MAN2C1: variants seen among roughly 807,000 people sequenced by gnomAD.
MAN2C1 encodes the protein mannosidase alpha class 2C member 1, also known as alpha-mannosidase 2C1.
Under a neutral mutation model 126.9 loss-of-function variants are expected in MAN2C1, and 111 were observed. The ratio of observed to expected loss-of-function variants is 0.87; its 90% CI spans 0.75 to 1.02. MAN2C1 has a LOEUF of 1.02. MAN2C1 is among the 50% of genes least tolerant of loss of function. MAN2C1 has a pLI of 0.00. For synonymous variants in MAN2C1, 567 were observed against 561.5 expected, an observed-to-expected ratio of 1.01 and a Z score of -0.14; for missense variants, 1,363 against 1,364.4, an observed-to-expected ratio of 1.00 and a Z score of 0.02.
rs2072536846 is a variant in MAN2C1, at chr15:75,364,484, G to A, written c.600+4C>T. The A allele has an allele frequency of 6.3e-7, 1 of 1,579,456 alleles. No individual in the cohort carries two copies. ...TAGCAGGGGGTACAGGGGGTGTCAAGTACCTTGGCTATGCCCAGCAGCAGC... is the reference window on the plus strand; with the variant it reads ...TAGCAGGGGGTACAGGGGGTGTCAAATACCTTGGCTATGCCCAGCAGCAGC... On this transcript the variant is annotated splice_donor_region_variant and intron_variant, in intron 5 of 25. Transcript: ENST00000267978.
chr15:75,363,135 C>T (rs1307120660), intron 6 of MAN2C1: 6 of 455,138 alleles, frequency 1.3e-5, no homozygotes, highest in Non-Finnish European at 2.6e-5. Context: ...GCTGTCCTAC[C>T]AGAGGTGCTA....
rs1003144374 is a variant in MAN2C1 at position 75,356,676 on chromosome 15, C to T, written c.2667G>A (p.Ala889=). The T allele has an allele frequency of 6.3e-6, 10 of 1,590,812 alleles. No individual in the cohort carries two copies. Among genetic ancestry groups the T allele is most frequent in the African/African-American group, 2.7e-5 (2 of 74,366 alleles). ...GSILSLSLLR[A]PKAPDATADT... ...CAGCAGTAGCGTCCGGGGCTTTAGGCGCCCGCAAGCTGGGGTGAGGAGGGC... is the reference window on the plus strand; with the variant it reads ...CAGCAGTAGCGTCCGGGGCTTTAGGTGCCCGCAAGCTGGGGTGAGGAGGGC... Residue 889 remains alanine, a synonymous_variant, in exon 23 of 26, where the codon GCG becomes GCA. Transcript: ENST00000267978. The surrounding 1 kb of genome is among the most constrained non-coding windows in gnomAD (Gnocchi z 5.8).
Position 75,361,116 on chromosome 15 carries a change from C to G in MAN2C1, c.1390G>C (p.Gly464Arg), listed in dbSNP as rs766261056. Residue 464 changes from glycine to arginine, a missense_variant, in exon 12 of 26, where the codon GGG becomes CGG. Gly to Arg is a moderately radical substitution (Grantham distance 125). This residue lies in a region of MAN2C1 where 628 missense variants were observed against 609.8 expected (regional missense o/e 1.03). Coordinates refer to ENST00000267978, the MANE Select transcript of MAN2C1 (RefSeq NM_006715.4). This position sits in a 1 kb window ranked among gnomAD's most constrained non-coding sequence, Gnocchi z 5.0. ...ATGGTCTGGGTGGGGCCACCACCCC[C>G]ATCCCCAAAGCCAAAGAGGAAGGCA... Reference protein sequence around the residue: ...HSAFLFGFGDGGGGPTQTMLD... With the variant: ...HSAFLFGFGDRGGGPTQTMLD... The G allele has an allele frequency of 1.9e-6, 3 of 1,613,196 alleles. No homozygotes were observed. Among genetic ancestry groups the G allele is most frequent in the Non-Finnish European group, 1.7e-6 (2 of 1,179,716 alleles).
chr15:75,358,405 G>A, intron 20 of MAN2C1, 57 bp downstream of exon 20: 2 of 1,613,082 alleles, frequency 1.2e-6, no homozygotes, highest in Non-Finnish European at 1.7e-6. Flanking sequence ...GCCTGGGGCT[G>A]GCCCCTCCTT....
rs140383957 is a variant in MAN2C1, at chr15:75,356,636, C to T, written c.2707G>A (p.Glu903Lys). The change falls in exon 23 of 26, where the codon GAG becomes AAG. Residue 903 changes from glutamate (E) to lysine (K), a missense_variant. Physicochemically the swap from Glu to Lys is moderately conservative, Grantham distance 56 (BLOSUM62 1). This residue lies in a region of MAN2C1 where 668 missense variants were observed against 650.1 expected (regional missense o/e 1.03). Coordinates refer to ENST00000267978, the MANE Select transcript of MAN2C1 (RefSeq NM_006715.4). The surrounding 1 kb of genome is among the most constrained non-coding windows in gnomAD (Gnocchi z 5.8). ...TGCGGCATCAGTGCATAGGTGAACT[C>T]GTGGCGCCCCGTGTCAGCAGTAGCG... ...PDATADTGRHEFTYALMPHKG... is the reference protein window; with the variant it reads ...PDATADTGRHKFTYALMPHKG... The T allele has an allele frequency of 9.6e-6, 15 of 1,568,412 alleles. No homozygotes were observed. In the South Asian group the frequency reaches 1.0e-4, roughly 11 times the overall value.
At position 75,356,548 on chromosome 15, in the gene MAN2C1, G is replaced by T; in HGVS notation, c.2737+58C>A. ...GCCAGGTTGCTGGGGTTTGGGCTCA[G>T]GGAAGGGCAGAGAGGTGTCTAGGGC... On this transcript the variant is annotated intron_variant, in intron 23 of 25. Coordinates refer to ENST00000267978, the MANE Select transcript of MAN2C1 (RefSeq NM_006715.4). This position sits in a 1 kb window ranked among gnomAD's most constrained non-coding sequence, Gnocchi z 5.8. 6.5e-7 allele frequency: 1 copy of T among 1,549,810 alleles called. No homozygotes were observed. Among genetic ancestry groups the T allele is most frequent in the Non-Finnish European group, 8.7e-7 (1 of 1,145,214 alleles).
rs751991881 is a variant in MAN2C1 at position 75,359,069 on chromosome 15, C to G, written c.2131G>C (p.Ala711Pro). 10 of 1,613,852 alleles carry G rather than the reference C, an allele frequency of 6.2e-6. No homozygotes were observed. Among genetic ancestry groups the G allele is most frequent in the Non-Finnish European group, 8.5e-6 (10 of 1,179,958 alleles). The stretch of plus-strand genomic sequence containing the variant: ...ATGAGGATTTGGCACCTGCCAGAGG[C>G]CACCAGGACCAAGGACGTCAGGCGA... ...TGRLTSLVLV[A>P]SGREAIAEGA... The change falls in exon 18 of 26, where the codon GCC (alanine) becomes CCC (proline). Residue 711 changes from alanine to proline, a missense_variant. Around this residue, in one of 3 missense-constraint regions of MAN2C1, gnomAD observed 668 missense variants for 650.1 expected, o/e 1.03. Coordinates refer to ENST00000267978, the MANE Select transcript of MAN2C1 (RefSeq NM_006715.4).
chr15:75,367,430 T>C, intron 3 of MAN2C1, 81 bp downstream of exon 3: 1 of 1,544,264 alleles, frequency 6.5e-7, no homozygotes, highest in Non-Finnish European at 8.8e-7. Flanking sequence ...CTGTGGCTTC[T>C]CCAGAGTCCA....
In MAN2C1 at chr15:75,368,093, G is replaced by A. The variant is rs776032436; in HGVS notation, c.207C>T (p.Val69=). Residue 69 remains valine, a synonymous_variant, in exon 2 of 26, where the codon GTC becomes GTT. Coordinates refer to ENST00000267978, the MANE Select transcript of MAN2C1 (RefSeq NM_006715.4). ...AVQRDFRPAQ[V]GDSFGPTWWT... is the part of the protein sequence containing the mutation. ...CCTACGTGGGTCCGAAGCTGTCGCC[G>A]ACCTGCGCGGGGCGGAAGTCCCGCT... is the stretch of plus-strand genomic sequence containing the variant. 3 of 1,607,568 alleles carry A rather than the reference G, an allele frequency of 1.9e-6. No individual in the cohort carries two copies. The East Asian group carries it at 6.7e-5, about 36-fold the overall frequency.
Position 75,362,230 on chromosome 15 carries a change from C to T in MAN2C1, c.1008+113G>A. The T allele has an allele frequency of 4.4e-6, 4 of 917,336 alleles. No individual in the cohort carries two copies. The highest frequency in any genetic ancestry group is 3.0e-5 in the South Asian group (2 of 66,848). The allele number at this position is 917,336 out of a possible 1,614,324, so 56.8% of individuals were successfully genotyped here. On this transcript the variant is annotated intron_variant, in intron 8 of 25. Transcript: ENST00000267978. The surrounding 1 kb of genome is among the most constrained non-coding windows in gnomAD (Gnocchi z 4.5). ...GGACTAATGAGCCAGCCCTGCCACA[C>T]AGCGGGGATGAGTGGCCCGTGGAAA...
In MAN2C1 at chr15:75,356,899, A is replaced by G; in HGVS notation, c.2551T>C (p.Trp851Arg). ...TSWDWARFEV[W>R]AHRWMDLSEH... ...GACAGATCCATCCAGCGATGGGCCCACACCTGGAGGGCAGATCCAAGACCC... is the reference window on the plus strand; with the variant it reads ...GACAGATCCATCCAGCGATGGGCCCGCACCTGGAGGGCAGATCCAAGACCC... The change falls in exon 22 of 26, where the codon TGG becomes CGG. Residue 851 changes from tryptophan to arginine, a missense_variant. Coordinates refer to ENST00000267978, the MANE Select transcript of MAN2C1 (RefSeq NM_006715.4). The surrounding 1 kb of genome is among the most constrained non-coding windows in gnomAD (Gnocchi z 5.8). 1 of 1,613,694 alleles carries G rather than the reference A, an allele frequency of 6.2e-7. No homozygotes were observed.
In MAN2C1 at chr15:75,362,006, C is replaced by T. The variant is rs372780291; in HGVS notation, c.1009-59G>A. On this transcript the variant is annotated intron_variant, in intron 8 of 25. Coordinates refer to ENST00000267978, the MANE Select transcript of MAN2C1 (RefSeq NM_006715.4). The surrounding 1 kb of genome is among the most constrained non-coding windows in gnomAD (Gnocchi z 4.5). The stretch of plus-strand genomic sequence containing the variant: ...CAGCGCTGGACGGGGAGCAGGCAGG[C>T]GCTCAGGCCAACCCAATCCCTGCAG... 5.9e-5 allele frequency: 78 copies of T among 1,315,994 alleles called. 1 individual carries two copies. In the East Asian group the frequency reaches 1.4e-3, roughly 24 times the overall value. The allele number at this position is 1,315,994 out of a possible 1,614,324, so 81.5% of individuals were successfully genotyped here. A position where few individuals can be genotyped will look rare whatever the true frequency, so the allele number is the denominator to read the frequency against.
Position 75,368,587 on chromosome 15 carries a change from C to G in MAN2C1, c.-4G>C. 6.5e-7 allele frequency: 1 copy of G among 1,539,258 alleles called. No homozygotes were observed. Among genetic ancestry groups the G allele is most frequent in the Non-Finnish European group, 8.7e-7 (1 of 1,142,958 alleles). ...TCAAGGCCGGCGCAGCCGCCATCGC[C>G]GGGCTCTCGCTCCTCTTTCCGGAAG... On this transcript the variant is annotated 5_prime_UTR_variant, in exon 1 of 26. Coordinates refer to ENST00000267978, the MANE Select transcript of MAN2C1 (RefSeq NM_006715.4).
In MAN2C1 at chr15:75,359,874, A is replaced by G. The variant is rs373227431; in HGVS notation, c.1792+29T>C. Reference sequence around the variant, plus strand: ...TCTGGGCTCAGCCCTGGGGTTGGAGAGAGCAGGCAGGACTATTGTGAGCCT... The same window carrying G: ...TCTGGGCTCAGCCCTGGGGTTGGAGGGAGCAGGCAGGACTATTGTGAGCCT... On this transcript the variant is annotated intron_variant, in intron 15 of 25. Coordinates refer to ENST00000267978, the MANE Select transcript of MAN2C1 (RefSeq NM_006715.4). 2.5e-6 allele frequency: 4 copies of G among 1,611,372 alleles called. No homozygotes were observed. In the Admixed American group the frequency reaches 5.1e-5, roughly 20 times the overall value.
At position 75,356,464 on chromosome 15, in the gene MAN2C1, G is replaced by C. The variant is rs757543040; in HGVS notation, c.2738-15C>G. On this transcript the variant is annotated splice_polypyrimidine_tract_variant and intron_variant, in intron 23 of 25. Coordinates refer to ENST00000267978, the MANE Select transcript of MAN2C1 (RefSeq NM_006715.4). This position sits in a 1 kb window ranked among gnomAD's most constrained non-coding sequence, Gnocchi z 5.8. Reference sequence around the variant, plus strand: ...CTGGAAAGAGCCTGGGGTACGACCAGGAAACAATGCTGGTGGAGAATGGGG... The same window carrying C: ...CTGGAAAGAGCCTGGGGTACGACCACGAAACAATGCTGGTGGAGAATGGGG... 3.8e-6 allele frequency: 6 copies of C among 1,587,484 alleles called. 1 individual carries two copies. The highest frequency in any genetic ancestry group is 5.1e-6 in the Non-Finnish European group (6 of 1,168,460).
At chr15:75,359,177 C>A (rs1391017644) in intron 17 of MAN2C1, 24 bp from the exon 18 acceptor site, 1 of 1,613,458 alleles carries the variant, frequency 6.2e-7, no homozygotes, top group East Asian at 2.2e-5. Flanking sequence ...GGCCTTGAGG[C>A]TGAGTCTGTA....
chr15:75,361,246 C>G lies in MAN2C1; in HGVS notation c.1314+40G>C. 1.3e-6 allele frequency: 2 copies of G among 1,587,288 alleles called. No homozygotes were observed. The highest frequency in any genetic ancestry group is 1.7e-6 in the Non-Finnish European group (2 of 1,167,192). On this transcript the variant is annotated intron_variant, in intron 11 of 25. Coordinates refer to ENST00000267978, the MANE Select transcript of MAN2C1 (RefSeq NM_006715.4). This position sits in a 1 kb window ranked among gnomAD's most constrained non-coding sequence, Gnocchi z 5.0. Reference sequence around the variant, plus strand: ...TCAGCCTGGAACAAGCCAGCCCTCTCCAGCCTGCCCCTACCCCACCACCCT... The same window carrying G: ...TCAGCCTGGAACAAGCCAGCCCTCTGCAGCCTGCCCCTACCCCACCACCCT...
In MAN2C1 at chr15:75,368,162, G is replaced by A. The variant is rs1476080779; in HGVS notation, c.138C>T (p.Ser46=). The part of the protein sequence containing the change: ...FGASCPVAVL[S]SFLTPERLPY... Reference sequence around the variant, plus strand: ...GAAGTCTCTCCGGCGTCAGGAAGCTGGAGAGCACAGCCACAGGGCAGCTGG... The same window carrying A: ...GAAGTCTCTCCGGCGTCAGGAAGCTAGAGAGCACAGCCACAGGGCAGCTGG... The change falls in exon 2 of 26, where the codon TCC becomes TCT. Residue 46 remains serine (S), a synonymous_variant. Coordinates refer to ENST00000267978, the MANE Select transcript of MAN2C1 (RefSeq NM_006715.4). 6.2e-7 allele frequency: 1 copy of A among 1,604,554 alleles called. No homozygotes were observed. The highest frequency in any genetic ancestry group is 8.5e-7 in the Non-Finnish European group (1 of 1,177,168).
intron 3 of MAN2C1, among the ~76,000 whole-genome samples, chr15:75,367,251 G>C (rs2072593954): frequency 6.6e-6 from 1 of 152,086 alleles, no homozygotes; most frequent in Admixed American, 6.6e-5. Context: ...CTGGGGAATG[G>C]GATGGGTGAT....
Sources: gnomAD v4.1 joint callset for allele counts (sites outside exome capture counted in the v4.1 genomes callset) on GRCh38, gnomAD v4.1.1 for gene constraint, gnomAD v4.1.1 regional missense constraint, Gnocchi (gnomAD v3.1) non-coding constraint, MANE v1.5 for transcripts, NCBI Gene and HGNC (gene_info 2026-07-23, HGNC 2026-07-21) for gene names.